The following SPIDR variants were observed in gnomAD, a reference collection of about 807,000 sequenced individuals.
The protein encoded by SPIDR is DNA repair-scaffolding protein.
A neutral mutation model predicts 104.6 loss-of-function variants in SPIDR; 93 were observed. That is an observed-to-expected ratio of 0.89 (90% CI 0.75 to 1.06). The LOEUF is 1.06. Among genes scored for constraint, SPIDR ranks in the 50% least tolerant of loss-of-function variants. The pLI is 0.00. For synonymous variants in SPIDR, 431 were observed against 416.9 expected, an observed-to-expected ratio of 1.03 and a Z score of -0.41; for missense variants, 1,154 against 1,111.2, an observed-to-expected ratio of 1.04 and a Z score of -0.55.
chr8:47,683,775 T>A (rs1295333581), intron 11 of SPIDR, among the ~76,000 whole-genome samples: 1 of 152,168 alleles, frequency 6.6e-6, no homozygotes, highest in Non-Finnish European at 1.5e-5. Flanking sequence ...AATAGGCTGT[T>A]GTTCAGGGCC....
chr8:47,342,328 CTT>C (rs11357859), intron 5 of SPIDR, among the ~76,000 whole-genome samples: 5 of 68,948 alleles, frequency 7.3e-5, no homozygotes, highest in African/African-American at 3.2e-4. Context: ...TTTCAAAGGT[CTT>C]TTTTTTTTTT....
chr8:47,322,052 A>T (rs2046733848), intron 5 of SPIDR, among the ~76,000 whole-genome samples: 2 of 152,226 alleles, frequency 1.3e-5, no homozygotes, highest in Admixed American at 1.3e-4. Context: ...CTTCGTGTCT[A>T]AAACACCAAA....
At chr8:47,361,575 TG>T (rs1554630033) in intron 5 of SPIDR, among the ~76,000 whole-genome samples, 1 of 152,218 alleles carries the variant, frequency 6.6e-6, no homozygotes, top group Non-Finnish European at 1.5e-5. Context: ...CTACAGCAGC[TG>T]GGAACTTGTC....
At chr8:47,498,210 G>A (rs934035959) in intron 8 of SPIDR, among the ~76,000 whole-genome samples, 4 of 152,080 alleles carry the variant, frequency 2.6e-5, no homozygotes, top group East Asian at 1.9e-4. Context: ...CCTTGTTTTG[G>A]CAGTGATAGG....
chr8:47,490,670 A>G (rs552487254), intron 8 of SPIDR, among the ~76,000 whole-genome samples: 1 of 152,372 alleles, frequency 6.6e-6, no homozygotes, highest in East Asian at 1.9e-4. Context: ...GTAGCCATAA[A>G]AAAGGATGAG....
intron 8 of SPIDR, among the ~76,000 whole-genome samples, chr8:47,524,602 A>G (rs1000521232): frequency 6.6e-6 from 1 of 152,210 alleles, no homozygotes; most frequent in African/African-American, 2.4e-5. Flanking sequence ...CAGGCACGTA[A>G]ACCTCCTGGC....
At chr8:47,339,943 T>C (rs549553134) in intron 5 of SPIDR, among the ~76,000 whole-genome samples, 1 of 152,186 alleles carries the variant, frequency 6.6e-6, no homozygotes, top group Non-Finnish European at 1.5e-5. Context: ...CCTCCCAAAC[T>C]GCTGGGATTA....
At chr8:47,526,780 C>T (rs1226482081) in intron 8 of SPIDR, among the ~76,000 whole-genome samples, 2 of 152,200 alleles carry the variant, frequency 1.3e-5, no homozygotes, top group Non-Finnish European at 2.9e-5. Context: ...AGTTGTCATT[C>T]CTGTCTTCAC....
intron 10 of SPIDR, among the ~76,000 whole-genome samples, chr8:47,615,535 C>T (rs1020623404): frequency 1.4e-5 from 2 of 143,182 alleles, no homozygotes; most frequent in South Asian, 2.2e-4. Context: ...TACAGTGGCA[C>T]TATCTTGGCT....
Position 47,634,165 on chromosome 8 carries a change from G to A in SPIDR, c.1544+34969G>A, listed in dbSNP as rs547272618. On this transcript the variant is annotated intron_variant, in intron 10 of 19. Transcript: ENST00000297423. ...CCTCAATGCAACTTTGAAAAACAAC[G>A]AAAAAAGGGCCGGGCATGGTGGCTC... 3.3e-5 allele frequency among the ~76,000 whole-genome samples: 5 copies of A among 150,994 alleles called. No homozygotes were observed. The South Asian group carries it at 6.3e-4, about 19-fold the overall frequency.
Position 47,440,523 on chromosome 8 carries a change from G to C in SPIDR, c.1078G>C (p.Val360Leu), listed in dbSNP as rs187194774. The change falls in exon 8 of 20, where the codon GTC becomes CTC. Residue 360 changes from valine to leucine, a missense_variant. Physicochemically the swap from Val to Leu is conservative, Grantham distance 32. Coordinates refer to ENST00000297423, the MANE Select transcript of SPIDR (RefSeq NM_001080394.4). ...GYLRGRPQDTVRIFPPWQKLI... is the reference protein window; with the variant it reads ...GYLRGRPQDTLRIFPPWQKLI... ...CCTCAGGGGCCGTCCCCAGGACACTGTCCGGATCTTCCCTCCCTGGTGAGT... is the reference window on the plus strand; with the variant it reads ...CCTCAGGGGCCGTCCCCAGGACACTCTCCGGATCTTCCCTCCCTGGTGAGT... 166 of 1,614,030 alleles carry C rather than the reference G, an allele frequency of 1.0e-4. No individual in the cohort carries two copies. In the Admixed American group the frequency reaches 2.7e-3, roughly 26 times the overall value.
chr8:47,346,886 A>G (rs1376992912), intron 5 of SPIDR, among the ~76,000 whole-genome samples: 1 of 151,536 alleles, frequency 6.6e-6, no homozygotes, highest in Non-Finnish European at 1.5e-5. Context: ...TATTTTGCTG[A>G]TCTTTTCAAA....
Position 47,379,110 on chromosome 8 carries a change from G to A in SPIDR, c.526-17266G>A, listed in dbSNP as rs75786764. Among the ~76,000 whole-genome samples the A allele has an allele frequency of 3.1e-3, 478 of 152,192 alleles. 18 individuals carry two copies. The East Asian group carries it at 0.079, about 25-fold the overall frequency. Reference sequence around the variant, plus strand: ...CCGGCACCCTAGGAGTGGGGCCAGCGAGCAGAGCAGCCTACATGTAGCCAG... The same window carrying A: ...CCGGCACCCTAGGAGTGGGGCCAGCAAGCAGAGCAGCCTACATGTAGCCAG... On this transcript the variant is annotated intron_variant, in intron 5 of 19. Coordinates refer to ENST00000297423, the MANE Select transcript of SPIDR (RefSeq NM_001080394.4).
chr8:47,348,410 C>G (rs1260701608), intron 5 of SPIDR, among the ~76,000 whole-genome samples: 2 of 152,176 alleles, frequency 1.3e-5, no homozygotes, highest in African/African-American at 4.8e-5. Flanking sequence ...CTTGGTGAAT[C>G]TGACAATTAT....
chr8:47,558,174 A>G (rs2091542783), intron 8 of SPIDR, among the ~76,000 whole-genome samples: 1 of 152,172 alleles, frequency 6.6e-6, no homozygotes, highest in South Asian at 2.1e-4. Flanking sequence ...GGAGCAGGGC[A>G]AGGTTGAAAA....
At chr8:47,337,112 G>T (rs1408468121) in intron 5 of SPIDR, among the ~76,000 whole-genome samples, 1 of 152,078 alleles carries the variant, frequency 6.6e-6, no homozygotes, top group African/African-American at 2.4e-5. Flanking sequence ...ATTGGCTTGT[G>T]TGTGTGTGTT....
intron 5 of SPIDR, among the ~76,000 whole-genome samples, chr8:47,327,672 C>T (rs2047922223): frequency 6.6e-6 from 1 of 152,132 alleles, no homozygotes; most frequent in Admixed American, 6.6e-5. Flanking sequence ...AAGTGATTCT[C>T]CTGTCTCAGC....
chr8:47,731,040 C>G (rs948021045), intron 19 of SPIDR, among the ~76,000 whole-genome samples: 2 of 152,098 alleles, frequency 1.3e-5, no homozygotes, highest in African/African-American at 4.8e-5. Context: ...GGCGGATCAC[C>G]TGAGGTCAGG....
At chr8:47,549,283 C>A (rs541518816) in intron 8 of SPIDR, among the ~76,000 whole-genome samples, 1 of 152,152 alleles carries the variant, frequency 6.6e-6, no homozygotes, top group East Asian at 1.9e-4. Context: ...GGGTATATAC[C>A]CAGTAATGGG....
Sources: allele counts gnomAD v4.1 joint callset (sites outside exome capture counted in the v4.1 genomes callset), GRCh38; gene constraint gnomAD v4.1.1; transcripts MANE v1.5; gene names NCBI Gene and HGNC (gene_info 2026-07-23, HGNC 2026-07-21).